Variants in DNAH7 observed in about 807,000 individuals in gnomAD.
DNAH7 encodes axonemal beta dynein heavy chain 7.
DNAH7 carries 397 observed loss-of-function variants against 444.6 expected under a neutral mutation model. The ratio of observed to expected loss-of-function variants is 0.89; its 90% confidence interval spans 0.82 to 0.97. The LOEUF is 0.97. Ranked by LOEUF, DNAH7 falls within the 50% of genes least tolerant of loss-of-function variation. DNAH7 has a pLI of 0.00. For missense variants in DNAH7, 4,902 were observed against 4,800.8 expected (o/e 1.02, Z -0.62); for synonymous variants, 1,636 against 1,624.4 (o/e 1.01, Z -0.17).
chr2:195,826,548 A>G (rs553459428), intron 48 of DNAH7, among the ~76,000 whole-genome samples: 1 of 152,320 alleles, frequency 6.6e-6, no homozygotes, highest in South Asian at 2.1e-4. Context: ...TCAATAATGT[A>G]TCTGTGACTT....
chr2:195,929,744 G>T (rs1688567197), intron 21 of DNAH7, among the ~76,000 whole-genome samples: 1 of 152,042 alleles, frequency 6.6e-6, no homozygotes, highest in Admixed American at 6.6e-5. Flanking sequence ...AATATTTAAA[G>T]GTAAGACTTC....
chr2:195,872,515 T>G, intron 39 of DNAH7, 46 bp from the exon 40 acceptor site: 1 of 1,322,504 alleles, frequency 7.6e-7, no homozygotes, highest in East Asian at 2.6e-5. Flanking sequence ...TTAGCAATTA[T>G]AGAATTACGA....
At chr2:195,819,444 A>G (rs1697362048) in intron 49 of DNAH7, among the ~76,000 whole-genome samples, 1 of 152,180 alleles carries the variant, frequency 6.6e-6, no homozygotes, top group Non-Finnish European at 1.5e-5. Flanking sequence ...CTGTTCATAG[A>G]GTTGCTCTCT....
At chr2:195,766,833 A>G (rs909515331) in intron 61 of DNAH7, among the ~76,000 whole-genome samples, 1 of 152,188 alleles carries the variant, frequency 6.6e-6, no homozygotes, top group South Asian at 2.1e-4. Flanking sequence ...AACCACAAAA[A>G]TAAGAAATAA....
intron 54 of DNAH7, among the ~76,000 whole-genome samples, chr2:195,805,368 T>C (rs1362115620): frequency 1.3e-5 from 2 of 151,914 alleles, no homozygotes; most frequent in African/African-American, 2.4e-5. Context: ...TAAAATGTTT[T>C]AGAGGAGGAA....
chr2:195,949,535 C>CA (rs1472996327), intron 19 of DNAH7, among the ~76,000 whole-genome samples: 4 of 151,894 alleles, frequency 2.6e-5, no homozygotes, highest in African/African-American at 9.7e-5. Flanking sequence ...CCACCTGCTT[C>CA]AGCCTCCCAA....
chr2:195,922,340 A>C, intron 23 of DNAH7, 143 bp from the exon 24 acceptor site: 1 of 600,996 alleles, frequency 1.7e-6, no homozygotes, highest in Non-Finnish European at 3.0e-6. Flanking sequence ...GGCAGAATTA[A>C]GTATCTAGTT....
At chr2:195,749,015 C>T (rs1036516114) in intron 63 of DNAH7, among the ~76,000 whole-genome samples, 2 of 152,144 alleles carry the variant, frequency 1.3e-5, no homozygotes, top group African/African-American at 4.8e-5. Flanking sequence ...AGCTTCTGCA[C>T]AGCAAAAGAA....
chr2:195,845,285 T>A, intron 46 of DNAH7, 120 bp from the exon 47 acceptor site: 1 of 712,896 alleles, frequency 1.4e-6, no homozygotes, highest in South Asian at 3.7e-5. Flanking sequence ...AAACTCTACC[T>A]CAAAAATGAT....
At chr2:195,759,010 G>A (rs1000085652) in intron 61 of DNAH7, among the ~76,000 whole-genome samples, 16 of 152,260 alleles carry the variant, frequency 1.1e-4, no homozygotes, top group African/African-American at 3.9e-4. Flanking sequence ...TGCTAGACTT[G>A]GAGCTAGTGG....
chr2:195,931,857 G>C (rs1688721908), intron 21 of DNAH7, among the ~76,000 whole-genome samples: 1 of 152,200 alleles, frequency 6.6e-6, no homozygotes, highest in Non-Finnish European at 1.5e-5. Flanking sequence ...CAGGTAGCTT[G>C]ATGCCTCCAG....
chr2:195,792,905 G>T (rs773815249), intron 57 of DNAH7, among the ~76,000 whole-genome samples: 4 of 151,884 alleles, frequency 2.6e-5, no homozygotes, highest in Non-Finnish European at 5.9e-5. Context: ...AAAAGGTGTA[G>T]GGATGTTCCT....
intron 58 of DNAH7, among the ~76,000 whole-genome samples, chr2:195,783,150 C>G (rs1322014242): frequency 6.6e-6 from 1 of 152,220 alleles, no homozygotes; most frequent in Non-Finnish European, 1.5e-5. Flanking sequence ...GCTTCTCCCT[C>G]TCCCTTTACC....
intron 27 of DNAH7, chr2:195,901,264 C>T (rs763889938): frequency 6.6e-6 from 1 of 151,770 alleles, no homozygotes; most frequent in Non-Finnish European, 1.5e-5. Context: ...ACATTGTACA[C>T]CTTAAATATG....
Position 195,979,175 on chromosome 2 carries a change from C to T in DNAH7, c.1833+5457G>A, listed in dbSNP as rs889710397. 6.6e-5 allele frequency among the ~76,000 whole-genome samples: 10 copies of T among 152,112 alleles called. No individual in the cohort carries two copies. In the South Asian group the frequency reaches 1.7e-3, roughly 25 times the overall value. ...ATCCAATGGCTGCAAAATACACATC[C>T]TTCTCTGCAGCACATGGATCATTCT... On this transcript the variant is annotated intron_variant, in intron 15 of 64. Transcript: ENST00000312428.
intron 10 of DNAH7, among the ~76,000 whole-genome samples, chr2:196,005,198 C>T (rs71422604): frequency 4.9e-4 from 74 of 151,540 alleles, no homozygotes; most frequent in Non-Finnish European, 8.5e-4. Flanking sequence ...GGCATGAACC[C>T]GGGAGGCAGA....
chr2:195,828,996 T>C (rs1249405419), intron 48 of DNAH7, among the ~76,000 whole-genome samples: 1 of 152,218 alleles, frequency 6.6e-6, no homozygotes, highest in African/African-American at 2.4e-5. Context: ...TCTGAAAGTT[T>C]ACATCTTTAC....
intron 12 of DNAH7, among the ~76,000 whole-genome samples, chr2:195,996,450 G>A (rs113328045): frequency 0.033 from 4,857 of 145,964 alleles, 124 homozygotes; most frequent in Middle Eastern, 0.064. Flanking sequence ...TTTTGAGACA[G>A]AGTCTCATTC....
chr2:195,747,394 A>G (rs1693492406), intron 63 of DNAH7, among the ~76,000 whole-genome samples: 2 of 152,222 alleles, frequency 1.3e-5, no homozygotes, highest in African/African-American at 4.8e-5. Flanking sequence ...TTCACAGCCT[A>G]ATTCTACCAG....
Sources: allele counts gnomAD v4.1 joint callset (sites outside exome capture counted in the v4.1 genomes callset), GRCh38; gene constraint gnomAD v4.1.1; transcripts MANE v1.5; gene names NCBI Gene and HGNC (gene_info 2026-07-23, HGNC 2026-07-21).